The following IQANK1 variants were observed in gnomAD, a reference collection of about 807,000 sequenced individuals.
IQANK1 encodes IQ motif and ankyrin repeat containing 1, also known as IQ motif and ankyrin repeat domain-containing protein 1.
IQANK1 carries 30 observed loss-of-function variants against 22.6 expected under a neutral mutation model. The ratio of observed to expected loss-of-function variants is 1.33; its 90% confidence interval spans 0.99 to 1.80. IQANK1 has a LOEUF of 1.80. Among genes scored for constraint, IQANK1 ranks in the 40% most tolerant of loss-of-function variants. The pLI is 0.00. For missense variants in IQANK1, 275 were observed against 235.2 expected (o/e 1.17, Z -1.11); for synonymous variants, 122 against 99.6 (o/e 1.23, Z -1.34).
At chr8:143,740,230 C>A (rs1818868836) in intron 3 of IQANK1, among the ~76,000 whole-genome samples, 1 of 152,026 alleles carries the variant, frequency 6.6e-6, no homozygotes, top group South Asian at 2.1e-4. Flanking sequence ...AAGACCCTAC[C>A]CTGCGCCACT....
chr8:143,763,866 C>G (rs1023272414), intron 3 of IQANK1, among the ~76,000 whole-genome samples: 2 of 152,122 alleles, frequency 1.3e-5, no homozygotes, highest in Non-Finnish European at 2.9e-5. Context: ...ATCCACAAGC[C>G]CTAGGGGCAG....
intron 3 of IQANK1, among the ~76,000 whole-genome samples, chr8:143,750,771 A>C (rs11994727): frequency 0.049 from 7,482 of 152,206 alleles, 634 homozygotes; most frequent in African/African-American, 0.17. Flanking sequence ...CTATGATTGC[A>C]CCACTGCACT....
At chr8:143,766,282 C>T (rs1427958221) in intron 3 of IQANK1, among the ~76,000 whole-genome samples, 4 of 152,068 alleles carry the variant, frequency 2.6e-5, no homozygotes, top group African/African-American at 4.8e-5. Context: ...CCAATATATT[C>T]GGAATACAAA....
intron 3 of IQANK1, among the ~76,000 whole-genome samples, chr8:143,747,159 G>A (rs782526651): frequency 6.6e-6 from 1 of 152,216 alleles, no homozygotes; most frequent in Non-Finnish European, 1.5e-5. Context: ...GATTACAGGA[G>A]TGAGCCACCG....
At chr8:143,739,979 G>T in intron 3 of IQANK1, 31 bp downstream of exon 3, 1 of 676,800 alleles carries the variant, frequency 1.5e-6, no homozygotes, top group South Asian at 1.5e-5. Context: ...CGCCGCTGTG[G>T]GTGACCGGGT....
At chr8:143,749,395 TTATA>T (rs1361061339) in intron 3 of IQANK1, among the ~76,000 whole-genome samples, 7 of 130,998 alleles carry the variant, frequency 5.3e-5, no homozygotes, top group South Asian at 2.2e-4. Flanking sequence ...GAATATATAA[TTATA>T]TATCATATCA....
At chr8:143,777,945 A>T (rs1434298305) in intron 7 of IQANK1, among the ~76,000 whole-genome samples, 1 of 152,354 alleles carries the variant, frequency 6.6e-6, no homozygotes, top group East Asian at 1.9e-4. Flanking sequence ...CTGTAATCCC[A>T]GCACTTTGGA....
chr8:143,750,961 T>TGG (rs149927692), intron 3 of IQANK1, among the ~76,000 whole-genome samples: 4,647 of 151,868 alleles, frequency 0.031, 225 homozygotes, highest in African/African-American at 0.1. Context: ...TGTGTGTGTG[T>TGG]GTGTGTTTTT....
At position 143,771,614 on chromosome 8, in the gene IQANK1, A is replaced by G. The variant is rs62526404; in HGVS notation, c.302A>G (p.Lys101Arg). Residue 101 changes from lysine to arginine, a missense_variant, in exon 4 of 14, where the codon AAG (lysine) becomes AGG (arginine). Transcript: ENST00000527139. This position sits in a 1 kb window ranked among gnomAD's most constrained non-coding sequence, Gnocchi z 6.0. ...EYLEQMETPQ[K>R]EAYLAPVRRE... The stretch of plus-strand genomic sequence containing the variant: ...CTGGAGCAGATGGAGACGCCGCAGA[A>G]GGAGGTGAGGACGGGCAGCCGCAAC... 0.35 allele frequency: 140,132 copies of G among 398,430 alleles called. 27,308 individuals carry two copies. The highest frequency in any genetic ancestry group is 0.61 in the African/African-American group (29,691 of 48,564). 24.7% of individuals were successfully genotyped at this position (398,430 alleles called of 1,614,324 possible). A position where few individuals can be genotyped will look rare whatever the true frequency, so the allele number is the denominator to read the frequency against.
At chr8:143,775,005 C>T (rs1039294887) in intron 7 of IQANK1, among the ~76,000 whole-genome samples, 7 of 151,322 alleles carry the variant, frequency 4.6e-5, no homozygotes, top group South Asian at 2.1e-4. Flanking sequence ...GAGATGGGGC[C>T]GACTGGGCAG....
rs1819336047 is a variant in IQANK1 at position 143,758,690 on chromosome 8, T to C, written c.176-12798T>C. 1 of 152,264 alleles carries C rather than the reference T, an allele frequency of 6.6e-6. No homozygotes were observed. The highest frequency in any genetic ancestry group is 2.4e-5 in the African/African-American group (1 of 41,448). 9.4% of individuals were successfully genotyped at this position (152,264 alleles called of 1,614,324 possible). A position where few individuals can be genotyped will look rare whatever the true frequency, so the allele number is the denominator to read the frequency against. ...CTGGATCAAAACTGGCAGTGACACCTGGCCCCTGACAAGCCTGAGTCACAG... is the reference window on the plus strand; with the variant it reads ...CTGGATCAAAACTGGCAGTGACACCCGGCCCCTGACAAGCCTGAGTCACAG... On this transcript the variant is annotated intron_variant, in intron 3 of 13. Transcript: ENST00000527139. This position sits in a 1 kb window ranked among gnomAD's most constrained non-coding sequence, Gnocchi z 4.2.
intron 2 of IQANK1, among the ~76,000 whole-genome samples, chr8:143,738,965 G>T (rs924998101): frequency 6.6e-6 from 1 of 152,120 alleles, no homozygotes. Context: ...GCTAGGGCAG[G>T]GTTCGGGCCA....
At chr8:143,748,830 T>TTCATATATAAATATATAAAAATATATA (rs1819104352) in intron 3 of IQANK1, among the ~76,000 whole-genome samples, 1 of 84,004 alleles carries the variant, frequency 1.2e-5, no homozygotes, top group Non-Finnish European at 2.1e-5. Context: ...AAATATATAT[T>TTCATATATAAATATATAAAAATATATA]TCATATATAA....
At chr8:143,761,428 T>C (rs1396062079) in intron 3 of IQANK1, among the ~76,000 whole-genome samples, 3 of 152,238 alleles carry the variant, frequency 2.0e-5, no homozygotes, top group African/African-American at 7.2e-5. Flanking sequence ...TGTGTCCAAA[T>C]CTTGTAATAT....
chr8:143,743,231 G>A (rs1032121347), intron 3 of IQANK1: 19 of 357,346 alleles, frequency 5.3e-5, no homozygotes, highest in South Asian at 1.0e-4. Context: ...GTTTTGTTCC[G>A]TTTTGTTTTT....
intron 2 of IQANK1, among the ~76,000 whole-genome samples, chr8:143,738,613 G>A (rs936549781): frequency 1.3e-5 from 2 of 152,250 alleles, no homozygotes; most frequent in East Asian, 1.9e-4. Context: ...TGAGAAGCTG[G>A]AGGAGGCAGC....
intron 3 of IQANK1, chr8:143,742,662 G>GGCTGAGCC: frequency 2.2e-6 from 1 of 456,000 alleles, no homozygotes; most frequent in Non-Finnish European, 4.4e-6. Context: ...AGGAAGGTGT[G>GGCTGAGCC]GCTGAGCCCC....
chr8:143,789,633 T>TCAAA (rs1356287821), intron 10 of IQANK1, 105 bp downstream of exon 10: 1 of 1,218,810 alleles, frequency 8.2e-7, no homozygotes, highest in African/African-American at 1.6e-5. Context: ...TTTTTCCCTC[T>TCAAA]CAAACATGGG....
chr8:143,754,507 T>C (rs1307924748), intron 3 of IQANK1, among the ~76,000 whole-genome samples: 3 of 152,230 alleles, frequency 2.0e-5, no homozygotes, highest in South Asian at 2.1e-4. Flanking sequence ...GGGGCCCCCA[T>C]GTAGCTCAGT....
Sources: gnomAD v4.1 joint callset for allele counts (sites outside exome capture counted in the v4.1 genomes callset) on GRCh38, gnomAD v4.1.1 for gene constraint, Gnocchi (gnomAD v3.1) non-coding constraint, MANE v1.5 for transcripts, NCBI Gene and HGNC (gene_info 2026-07-23, HGNC 2026-07-21) for gene names.